The following DCC variants were observed in gnomAD, a reference collection of about 807,000 sequenced individuals.
The protein encoded by DCC is DCC netrin 1 receptor.
DCC carries 58 observed loss-of-function variants against 172.5 expected under a neutral mutation model. The ratio of observed to expected loss-of-function variants is 0.34; its 90% CI spans 0.27 to 0.42. The LOEUF (loss-of-function observed/expected upper bound fraction) is 0.42, where lower values mean the gene tolerates loss of function less well. Among genes scored for constraint, DCC ranks in the 10% least tolerant of loss-of-function variants. The pLI is 1.00. For synonymous variants in DCC, 709 were observed against 644.5 expected (o/e 1.10, Z -1.52); for missense variants, 1,740 against 1,791.0 (o/e 0.97, Z 0.51).
intron 12 of DCC, among the ~76,000 whole-genome samples, chr18:53,293,721 G>A (rs925661986): frequency 6.6e-6 from 1 of 152,016 alleles, no homozygotes; most frequent in Non-Finnish European, 1.5e-5. Flanking sequence ...GCCAGTTTGG[G>A]GCTACAGTTG....
At chr18:52,526,685 G>A (rs1015263742) in intron 1 of DCC, among the ~76,000 whole-genome samples, 1 of 151,988 alleles carries the variant, frequency 6.6e-6, no homozygotes, top group East Asian at 1.9e-4. Flanking sequence ...TCAATTATAG[G>A]CCCGTATTAT....
chr18:52,729,697 T>C (rs1053310905), intron 1 of DCC, among the ~76,000 whole-genome samples: 3 of 152,218 alleles, frequency 2.0e-5, no homozygotes, highest in Admixed American at 6.5e-5. Context: ...AAGAAATATT[T>C]ACTGTTTTCA....
intron 7 of DCC, among the ~76,000 whole-genome samples, chr18:53,112,906 T>C (rs2043353992): frequency 6.6e-6 from 1 of 151,540 alleles, no homozygotes. Context: ...ATAAGCCTTT[T>C]TGCTTAATTT....
chr18:52,437,709 T>A (rs1987841271), intron 1 of DCC, among the ~76,000 whole-genome samples: 1 of 152,210 alleles, frequency 6.6e-6, no homozygotes, highest in African/African-American at 2.4e-5. Context: ...GGGGATTGAT[T>A]TACATGGTTT....
At chr18:53,261,847 A>G (rs2056608164) in intron 12 of DCC, among the ~76,000 whole-genome samples, 1 of 152,106 alleles carries the variant, frequency 6.6e-6, no homozygotes, top group African/African-American at 2.4e-5. Context: ...TATCACCCCC[A>G]ATTAGTACTG....
intron 5 of DCC, among the ~76,000 whole-genome samples, chr18:53,040,436 A>C (rs2042154131): frequency 6.6e-6 from 1 of 151,988 alleles, no homozygotes; most frequent in South Asian, 2.1e-4. Flanking sequence ...GTGGTGGTTA[A>C]AATGTGTATT....
chr18:53,433,863 G>A (rs902848378), intron 21 of DCC, among the ~76,000 whole-genome samples: 4 of 152,032 alleles, frequency 2.6e-5, no homozygotes, highest in Admixed American at 6.6e-5. Context: ...TAAACATGCC[G>A]TTTTATGCTG....
chr18:53,086,001 C>CTTTAAGTT (rs1212550264), intron 7 of DCC, among the ~76,000 whole-genome samples: 3 of 23,402 alleles, frequency 1.3e-4, no homozygotes, highest in African/African-American at 1.7e-3. Context: ...CCTTCTCCTT[C>CTTTAAGTT]TTCTCCTTCT....
At chr18:52,762,337 G>A (rs1445757177) in intron 2 of DCC, among the ~76,000 whole-genome samples, 1 of 152,032 alleles carries the variant, frequency 6.6e-6, no homozygotes, top group African/African-American at 2.4e-5. Context: ...ACCTGGCTAT[G>A]GTGGTGCATG....
intron 5 of DCC, among the ~76,000 whole-genome samples, chr18:53,004,271 T>TA (rs1430448910): frequency 1.4e-4 from 21 of 152,188 alleles, no homozygotes; most frequent in African/African-American, 5.1e-4. Context: ...GAAAGGGCCT[T>TA]AGCCCTCTAT....
intron 1 of DCC, among the ~76,000 whole-genome samples, chr18:52,686,208 G>T (rs192405179): frequency 2.6e-5 from 4 of 152,084 alleles, no homozygotes; most frequent in African/African-American, 9.7e-5. Context: ...CCTTCTTGAT[G>T]GTCAGGGCAC....
At chr18:53,278,226 A>C (rs546926173) in intron 12 of DCC, among the ~76,000 whole-genome samples, 2 of 152,286 alleles carry the variant, frequency 1.3e-5, no homozygotes, top group South Asian at 4.1e-4. Flanking sequence ...ATTGGGAATT[A>C]TATGAGTCTA....
intron 7 of DCC, among the ~76,000 whole-genome samples, chr18:53,109,611 T>C (rs1404720825): frequency 1.4e-5 from 2 of 141,034 alleles, no homozygotes; most frequent in African/African-American, 5.1e-5. Flanking sequence ...CTTCTTTCCT[T>C]CTTTCCTTAG....
chr18:52,520,532 G>T (rs1428830778), intron 1 of DCC, among the ~76,000 whole-genome samples: 1 of 152,090 alleles, frequency 6.6e-6, no homozygotes, highest in African/African-American at 2.4e-5. Context: ...TGTGGATAAT[G>T]GTCCTAAAGA....
chr18:52,610,181 ATATATATAT>A (rs2034241131), intron 1 of DCC, among the ~76,000 whole-genome samples: 2 of 9,910 alleles, frequency 2.0e-4, no homozygotes, highest in Non-Finnish European at 1.6e-4. Flanking sequence ...AAAAAAAAAT[ATATATATAT>A]ATATATATAT....
At chr18:53,343,053 A>G (rs1267922392) in intron 15 of DCC, among the ~76,000 whole-genome samples, 1 of 151,528 alleles carries the variant, frequency 6.6e-6, no homozygotes, top group Non-Finnish European at 1.5e-5. Flanking sequence ...AAATTTACCT[A>G]TATATTCCAT....
intron 1 of DCC, among the ~76,000 whole-genome samples, chr18:52,451,764 C>T (rs1441884792): frequency 6.6e-6 from 1 of 152,024 alleles, no homozygotes; most frequent in South Asian, 2.1e-4. Flanking sequence ...ACTGAGTCGG[C>T]TCGTAGGGCT....
chr18:53,314,017 G>C (rs2057315403), intron 13 of DCC, among the ~76,000 whole-genome samples: 1 of 152,160 alleles, frequency 6.6e-6, no homozygotes, highest in Admixed American at 6.5e-5. Flanking sequence ...TGAAACGCTT[G>C]ATTTTATAAA....
chr18:53,132,989 A>G (rs966832864), intron 7 of DCC, among the ~76,000 whole-genome samples: 1 of 152,186 alleles, frequency 6.6e-6, no homozygotes, highest in African/African-American at 2.4e-5. Context: ...GAGCTATATG[A>G]AGCAGAATCA....
Sources: gnomAD v4.1 joint callset for allele counts (sites outside exome capture counted in the v4.1 genomes callset) on GRCh38, gnomAD v4.1.1 for gene constraint, MANE v1.5 for transcripts, NCBI Gene and HGNC (gene_info 2026-07-23, HGNC 2026-07-21) for gene names.